The following SLC41A3 variants were observed in gnomAD, a reference collection of about 807,000 sequenced individuals.
The protein encoded by SLC41A3 is solute carrier family 41 member 3, also known as SLC41A1-like 2.
A neutral mutation model predicts 45.4 loss-of-function variants in SLC41A3; 44 were observed. The ratio of observed to expected loss-of-function variants is 0.97; its 90% CI spans 0.76 to 1.25. SLC41A3 has a LOEUF of 1.25. Among genes scored for constraint, SLC41A3 ranks in the 50% most tolerant of loss-of-function variants. The pLI is 0.00. For missense variants in SLC41A3, 550 were observed against 600.6 expected (o/e 0.92, Z 0.88); for synonymous variants, 256 against 252.4 (o/e 1.01, Z -0.13).
chr3:126,025,312 C>T (rs1941246312), intron 5 of SLC41A3: 1 of 151,952 alleles, frequency 6.6e-6, no homozygotes, highest in African/African-American at 2.4e-5. Context: ...GTCGCAGATA[C>T]ACGTTAAGCA....
chr3:126,098,899 C>T (rs1945655042), intron 1 of SLC41A3, among the ~76,000 whole-genome samples: 1 of 150,214 alleles, frequency 6.7e-6, no homozygotes, highest in South Asian at 2.1e-4. Context: ...TTGACAGCTG[C>T]TCCAGGAGGG....
intron 4 of SLC41A3, among the ~76,000 whole-genome samples, chr3:126,027,758 C>T (rs569443682): frequency 6.6e-6 from 1 of 152,172 alleles, no homozygotes. Context: ...ATAATTTGGA[C>T]AGTGAAGGCC....
chr3:126,065,988 C>T (rs950213201), intron 2 of SLC41A3, among the ~76,000 whole-genome samples: 3 of 152,158 alleles, frequency 2.0e-5, no homozygotes, highest in Admixed American at 6.5e-5. Context: ...GGAGGAAGGC[C>T]CCCGACCCTG....
chr3:126,090,981 G>A (rs1264427155), intron 1 of SLC41A3, among the ~76,000 whole-genome samples: 1 of 152,118 alleles, frequency 6.6e-6, no homozygotes, highest in Non-Finnish European at 1.5e-5. Flanking sequence ...CCTAGGACCT[G>A]AGAGGTCCAG....
chr3:126,015,528 G>C lies in SLC41A3; in HGVS notation c.936C>G (p.Tyr312Ter). The stretch of plus-strand genomic sequence containing the variant: ...CGGGGGTAAATATCGCCATGCCTTT[G>C]TACTGCTGTTTAGAAACGGTTTTGC... ...ILSKTVSKQQ[Y>*]KGMAIFTPVI... The change falls in exon 8 of 11, where the codon TAC becomes TAG. Residue 312 changes from tyrosine (Y) to a stop codon, truncating the protein, a stop_gained. Transcript: ENST00000360370. LOFTEE classifies it high-confidence loss of function. 1.2e-6 allele frequency: 2 copies of C among 1,614,200 alleles called. No individual in the cohort carries two copies. The highest frequency in any genetic ancestry group is 1.7e-6 in the Non-Finnish European group (2 of 1,180,040).
chr3:126,044,609 C>T (rs566069878), intron 3 of SLC41A3, among the ~76,000 whole-genome samples: 2 of 152,262 alleles, frequency 1.3e-5, no homozygotes, highest in East Asian at 3.9e-4. Flanking sequence ...TAAAATCATA[C>T]AGAGGGCCGG....
At chr3:126,066,099 T>A (rs542170900) in intron 2 of SLC41A3, among the ~76,000 whole-genome samples, 1 of 152,348 alleles carries the variant, frequency 6.6e-6, no homozygotes, top group South Asian at 2.1e-4. Flanking sequence ...GCTGCTTCTA[T>A]GACTAGTTTA....
At position 126,026,852 on chromosome 3, in the gene SLC41A3, C is replaced by T. The variant is rs1159141659; in HGVS notation, c.454-373G>A. ...AACTCCCGGCAGTGCAGACAACACA[C>T]CTCACTTGCCATGTGGTGTACCCCA... On this transcript the variant is annotated intron_variant, in intron 4 of 10. Coordinates refer to ENST00000360370, the MANE Select transcript of SLC41A3 (RefSeq NM_017836.4). This position sits in a 1 kb window ranked among gnomAD's most constrained non-coding sequence, Gnocchi z 4.2. 4.6e-5 allele frequency among the ~76,000 whole-genome samples: 7 copies of T among 152,202 alleles called. No individual in the cohort carries two copies. The highest frequency in any genetic ancestry group is 1.9e-4 in the East Asian group (1 of 5,186).
In SLC41A3 at chr3:126,067,931, TTTAG is replaced by T; in HGVS notation, c.273+12_273+15del. The T allele has an allele frequency of 1.9e-6, 3 of 1,570,456 alleles. No homozygotes were observed. Among genetic ancestry groups the T allele is most frequent in the Non-Finnish European group, 2.6e-6 (3 of 1,158,458 alleles). ...GGCAGTGCCCCGCTCCCTGTCCCCATTTAGTTCCCTCTTACCTGGAAATAGTCCA... is the reference window on the plus strand; with the variant it reads ...GGCAGTGCCCCGCTCCCTGTCCCCATTTCCCTCTTACCTGGAAATAGTCCA... On this transcript the variant is annotated intron_variant, in intron 2 of 10. Transcript: ENST00000360370.
Position 126,041,271 on chromosome 3 carries a change from G to T in SLC41A3, c.382-7593C>A, listed in dbSNP as rs556280256. 5.9e-5 allele frequency among the ~76,000 whole-genome samples: 9 copies of T among 151,744 alleles called. No individual in the cohort carries two copies. In the South Asian group the frequency reaches 1.3e-3, roughly 21 times the overall value. On this transcript the variant is annotated intron_variant, in intron 3 of 10. Transcript: ENST00000360370. The stretch of plus-strand genomic sequence containing the variant: ...ATGTACCCAAATAGGAGTTATGGAG[G>T]GGGGGTGGGGGAATGAATATAAAAA...
At chr3:126,074,206 C>A (rs149219763) in intron 1 of SLC41A3, among the ~76,000 whole-genome samples, 1 of 151,748 alleles carries the variant, frequency 6.6e-6, no homozygotes, top group Non-Finnish European at 1.5e-5. Context: ...AGGACATTCC[C>A]TTCTATTCCT....
At chr3:126,077,109 T>C (rs984753021) in intron 1 of SLC41A3, among the ~76,000 whole-genome samples, 1 of 152,198 alleles carries the variant, frequency 6.6e-6, no homozygotes, top group African/African-American at 2.4e-5. Context: ...CTGGGCACGA[T>C]GCTCATGCCT....
rs757504826 is a variant in SLC41A3, at chr3:126,006,380, A to G, written c.*636T>C. The G allele has an allele frequency of 3.1e-6, 5 of 1,598,326 alleles. No homozygotes were observed. Among genetic ancestry groups the G allele is most frequent in the Non-Finnish European group, 4.3e-6 (5 of 1,170,834 alleles). On this transcript the variant is annotated 3_prime_UTR_variant, in exon 11 of 11. Coordinates refer to ENST00000360370, the MANE Select transcript of SLC41A3 (RefSeq NM_017836.4). ...GGTCAAGTACAATATAATCTGTTTT[A>G]TTTTACACTTCTCTGATTATTGAAA...
chr3:126,076,041 C>T (rs890566299), intron 1 of SLC41A3, among the ~76,000 whole-genome samples: 8 of 152,126 alleles, frequency 5.3e-5, no homozygotes, highest in South Asian at 2.1e-4. Flanking sequence ...AAAGTAAAGA[C>T]GATCCACAAA....
chr3:126,088,901 A>G (rs2108126722), upstream of SLC41A3, among the ~76,000 whole-genome samples: 1 of 152,322 alleles, frequency 6.6e-6, no homozygotes, highest in East Asian at 1.9e-4. Context: ...AACAATCACT[A>G]ATGAGTATAT....
chr3:126,053,820 T>A (rs1943493216), intron 2 of SLC41A3, among the ~76,000 whole-genome samples: 1 of 151,886 alleles, frequency 6.6e-6, no homozygotes, highest in Non-Finnish European at 1.5e-5. Flanking sequence ...ACTCCAAATC[T>A]CCAAACTTCT....
At chr3:126,041,685 C>A (rs1161049507) in intron 3 of SLC41A3, among the ~76,000 whole-genome samples, 3 of 152,204 alleles carry the variant, frequency 2.0e-5, no homozygotes, top group African/African-American at 7.2e-5. Context: ...CAAATCTTAT[C>A]TAAAACAATT....
intron 1 of SLC41A3, among the ~76,000 whole-genome samples, chr3:126,098,161 G>C (rs1945640267): frequency 6.6e-6 from 1 of 152,240 alleles, no homozygotes; most frequent in Non-Finnish European, 1.5e-5. Flanking sequence ...ATGTTGAATT[G>C]CTAGCCCCCA....
chr3:126,080,345 C>T (rs1945088951), intron 1 of SLC41A3, among the ~76,000 whole-genome samples: 2 of 146,858 alleles, frequency 1.4e-5, no homozygotes, highest in Admixed American at 1.4e-4. Flanking sequence ...TATATAGTAC[C>T]AGGAATTCAA....
Sources: gnomAD v4.1 joint callset for allele counts (sites outside exome capture counted in the v4.1 genomes callset) on GRCh38, gnomAD v4.1.1 for gene constraint, Gnocchi (gnomAD v3.1) non-coding constraint, MANE v1.5 for transcripts, NCBI Gene and HGNC (gene_info 2026-07-23, HGNC 2026-07-21) for gene names.